The following SLCO3A1 variants were observed in gnomAD, a reference collection of about 807,000 sequenced individuals.
The protein encoded by SLCO3A1 is PGE1 transporter.
Under a neutral mutation model 63.1 loss-of-function variants are expected in SLCO3A1, and 27 were observed. The observed-to-expected ratio is 0.43, with a 90% CI of 0.32 to 0.59. The LOEUF is 0.59. Among genes scored for constraint, SLCO3A1 ranks in the 20% least tolerant of loss-of-function variants. The probability of loss-of-function intolerance (pLI) is 0.09; values close to 1 mark genes in which losing one functional copy is unlikely to be tolerated. For missense variants in SLCO3A1, 773 were observed against 945.8 expected (o/e 0.82, Z 2.40); for synonymous variants, 473 against 409.9 (o/e 1.15, Z -1.86).
chr15:92,049,837 C>T (rs540863970), intron 2 of SLCO3A1, among the ~76,000 whole-genome samples: 5 of 152,114 alleles, frequency 3.3e-5, no homozygotes, highest in Middle Eastern at 3.4e-3. Flanking sequence ...GCTAGGGAGG[C>T]GGGGAGGAAA....
At chr15:91,980,246 A>G (rs1183481474) in intron 2 of SLCO3A1, among the ~76,000 whole-genome samples, 3 of 152,028 alleles carry the variant, frequency 2.0e-5, no homozygotes, top group Non-Finnish European at 4.4e-5. Flanking sequence ...CCCAAGGGAC[A>G]TACATTCATT....
chr15:92,081,613 C>T (rs1184028297), intron 2 of SLCO3A1, among the ~76,000 whole-genome samples: 1 of 152,162 alleles, frequency 6.6e-6, no homozygotes, highest in Non-Finnish European at 1.5e-5. Flanking sequence ...GGCGATCTGC[C>T]CACCTCGGCC....
chr15:91,885,239 CT>C lies in SLCO3A1; in HGVS notation c.181-30753del, dbSNP rs1178181130. Among the ~76,000 whole-genome samples, 3 of 152,194 alleles carry C rather than the reference CT, an allele frequency of 2.0e-5. No individual in the cohort carries two copies. Among genetic ancestry groups the C allele is most frequent in the Non-Finnish European group, 4.4e-5 (3 of 68,038 alleles). ...CACGCCCAGTAACGAAGCCCCACCC[CT>C]GGCTGGGCCTTTTCTCACCATCTTC... is the stretch of plus-strand genomic sequence containing the variant. On this transcript the variant is annotated intron_variant, in intron 1 of 9. Transcript: ENST00000318445. The surrounding 1 kb of genome is among the most constrained non-coding windows in gnomAD (Gnocchi z 4.7).
At chr15:92,154,106 G>A (rs1438027146) in intron 9 of SLCO3A1, among the ~76,000 whole-genome samples, 1 of 152,226 alleles carries the variant, frequency 6.6e-6, no homozygotes, top group East Asian at 1.9e-4. Context: ...AGAAGTTGCT[G>A]CTGTAATGAA....
chr15:92,125,218 C>T (rs1450460892), intron 5 of SLCO3A1, among the ~76,000 whole-genome samples: 1 of 152,140 alleles, frequency 6.6e-6, no homozygotes, highest in African/African-American at 2.4e-5. Flanking sequence ...GCAGCCTAGA[C>T]TGGAAAATTG....
intron 2 of SLCO3A1, among the ~76,000 whole-genome samples, chr15:92,036,029 G>A (rs1483907278): frequency 2.7e-5 from 4 of 146,878 alleles, no homozygotes; most frequent in African/African-American, 7.3e-5. Flanking sequence ...TATAACTGGG[G>A]CGTGGCCACT....
chr15:92,045,279 C>CAAAA lies in SLCO3A1; in HGVS notation c.647-49588_647-49585dup, dbSNP rs11400205. Among the ~76,000 whole-genome samples the CAAAA allele has an allele frequency of 1.4e-3, 180 of 129,492 alleles. 2 individuals carry two copies. Among genetic ancestry groups the CAAAA allele is most frequent in the African/African-American group, 4.9e-3 (167 of 34,200 alleles). 85.0% of individuals were successfully genotyped at this position (129,492 alleles called of 152,430 possible). The stretch of plus-strand genomic sequence containing the variant: ...TGGGTGACAGAGCAAGACTCCATCT[C>CAAAA]AAAAAAAAAAAAAAAAATTGTCTCT... On this transcript the variant is annotated intron_variant, in intron 2 of 9. Coordinates refer to ENST00000318445, the MANE Select transcript of SLCO3A1 (RefSeq NM_013272.4).
At chr15:91,893,976 G>T (rs769184157) in intron 1 of SLCO3A1, among the ~76,000 whole-genome samples, 1 of 152,202 alleles carries the variant, frequency 6.6e-6, no homozygotes, top group Admixed American at 6.5e-5. Context: ...CCAAAAGTGT[G>T]TTGCCATAGC....
chr15:91,972,356 G>T (rs951453712), intron 2 of SLCO3A1, among the ~76,000 whole-genome samples: 3 of 152,052 alleles, frequency 2.0e-5, no homozygotes, highest in African/African-American at 7.2e-5. Flanking sequence ...ACTCGAATAG[G>T]TCATGATGGA....
intron 3 of SLCO3A1, among the ~76,000 whole-genome samples, chr15:92,096,291 G>A (rs560922419): frequency 6.6e-6 from 1 of 152,298 alleles, no homozygotes. Context: ...AGGAGTCACA[G>A]TCTTTTTATA....
intron 1 of SLCO3A1, among the ~76,000 whole-genome samples, chr15:91,867,919 C>T (rs959214710): frequency 2.0e-5 from 3 of 152,234 alleles, no homozygotes; most frequent in Non-Finnish European, 4.4e-5. Context: ...CGCTGTTGCT[C>T]CAAGCCTGTG....
In SLCO3A1 at chr15:91,862,660, G is replaced by A. The variant is rs1897076502; in HGVS notation, c.180+8572G>A. Among the ~76,000 whole-genome samples, 1 of 152,222 alleles carries A rather than the reference G, an allele frequency of 6.6e-6. No homozygotes were observed. The highest frequency in any genetic ancestry group is 2.4e-5 in the African/African-American group (1 of 41,452). On this transcript the variant is annotated intron_variant, in intron 1 of 9. Transcript: ENST00000318445. The surrounding 1 kb of genome is among the most constrained non-coding windows in gnomAD (Gnocchi z 4.0). Reference sequence around the variant, plus strand: ...AATTTCTAGTTGTGCAGAGCGTGAAGAAATGAGCAGGGGCTGATGAGGCTT... The same window carrying A: ...AATTTCTAGTTGTGCAGAGCGTGAAAAAATGAGCAGGGGCTGATGAGGCTT...
Position 92,033,830 on chromosome 15 carries a change from C to A in SLCO3A1, c.647-61051C>A, listed in dbSNP as rs577259464. Among the ~76,000 whole-genome samples the A allele has an allele frequency of 6.6e-6, 1 of 152,118 alleles. No homozygotes were observed. The highest frequency in any genetic ancestry group is 1.5e-5 in the Non-Finnish European group (1 of 68,030). On this transcript the variant is annotated intron_variant, in intron 2 of 9. Coordinates refer to ENST00000318445, the MANE Select transcript of SLCO3A1 (RefSeq NM_013272.4). This position sits in a 1 kb window ranked among gnomAD's most constrained non-coding sequence, Gnocchi z 4.5. ...GTAAAGACATCAAGGGAGTGAGGGA[C>A]AAGCCGGGAGGTTATCTGGAGGAAA...
chr15:92,041,709 C>T (rs571695038), intron 2 of SLCO3A1, among the ~76,000 whole-genome samples: 3 of 152,242 alleles, frequency 2.0e-5, no homozygotes, highest in Non-Finnish European at 2.9e-5. Context: ...ATCCTTCCTG[C>T]GTGTCACCTG....
intron 2 of SLCO3A1, among the ~76,000 whole-genome samples, chr15:91,923,896 A>G (rs1898927614): frequency 2.0e-5 from 3 of 152,218 alleles, no homozygotes; most frequent in Admixed American, 2.0e-4. Context: ...TTGTCAATCT[A>G]GAAATGCTGG....
chr15:92,142,957 CAAAG>C (rs1241897175), intron 7 of SLCO3A1, among the ~76,000 whole-genome samples: 1 of 151,988 alleles, frequency 6.6e-6, no homozygotes, highest in African/African-American at 2.4e-5. Flanking sequence ...CTTGTTAAAC[CAAAG>C]AAAGCTCACC....
At chr15:92,122,565 G>T (rs759077300) in intron 5 of SLCO3A1, among the ~76,000 whole-genome samples, 63 of 152,332 alleles carry the variant, frequency 4.1e-4, no homozygotes, top group Admixed American at 1.0e-3. Context: ...ATGCAAATGG[G>T]TGCTGCCACT....
intron 2 of SLCO3A1, among the ~76,000 whole-genome samples, chr15:92,061,942 T>A (rs2047091578): frequency 6.6e-6 from 1 of 152,206 alleles, no homozygotes; most frequent in Admixed American, 6.5e-5. Flanking sequence ...GGCAACCCTG[T>A]GGCAGTCACG....
chr15:92,084,083 TTTTG>T (rs1472195551), intron 2 of SLCO3A1, among the ~76,000 whole-genome samples: 1 of 152,190 alleles, frequency 6.6e-6, no homozygotes, highest in East Asian at 1.9e-4. Context: ...AGAAAAGGGG[TTTTG>T]TTTGTAAATT....
Sources: gnomAD v4.1 joint callset for allele counts (sites outside exome capture counted in the v4.1 genomes callset) on GRCh38, gnomAD v4.1.1 for gene constraint, Gnocchi (gnomAD v3.1) non-coding constraint, MANE v1.5 for transcripts, NCBI Gene and HGNC (gene_info 2026-07-23, HGNC 2026-07-21) for gene names.